The following TAFA1 variants were observed in gnomAD, a reference collection of about 807,000 sequenced individuals.
The protein encoded by TAFA1 is chemokine-like protein TAFA-1.
In TAFA1, 4 loss-of-function variants were observed where a neutral mutation model predicts 18.5. The ratio of observed to expected loss-of-function variants is 0.22; its 90% confidence interval spans 0.11 to 0.49. The LOEUF is 0.49. TAFA1 is among the 20% of genes least tolerant of loss of function. The pLI is 0.98. For synonymous variants in TAFA1, 56 were observed against 55.2 expected (o/e 1.01, Z -0.06); for missense variants, 147 against 169.0 (o/e 0.87, Z 0.72).
intron 3 of TAFA1, among the ~76,000 whole-genome samples, chr3:68,514,829 A>T (rs1439130767): frequency 6.6e-6 from 1 of 152,150 alleles, no homozygotes. Context: ...GTGGCCAAAG[A>T]GATTGTTCCA....
At chr3:68,088,586 C>T (rs73834822) in intron 2 of TAFA1, among the ~76,000 whole-genome samples, 3,481 of 152,196 alleles carry the variant, frequency 0.023, 50 homozygotes, top group Middle Eastern at 0.037. Context: ...TGAACCTGTG[C>T]GTTTTTCATT....
chr3:68,486,998 C>A (rs7431742), intron 3 of TAFA1, among the ~76,000 whole-genome samples: 119,362 of 152,144 alleles, frequency 0.78, 47,162 homozygotes, highest in African/African-American at 0.89. Context: ...AAAATGAAAT[C>A]AAATACCAGA....
chr3:68,156,802 C>G (rs1291781062), intron 2 of TAFA1, among the ~76,000 whole-genome samples: 2 of 151,844 alleles, frequency 1.3e-5, no homozygotes, highest in African/African-American at 4.8e-5. Context: ...CTTGTACTAG[C>G]TTTAATTAAT....
At chr3:68,525,697 A>G (rs2073102442) in intron 3 of TAFA1, among the ~76,000 whole-genome samples, 3 of 152,228 alleles carry the variant, frequency 2.0e-5, no homozygotes, top group African/African-American at 4.8e-5. Flanking sequence ...ATTAGTTTCA[A>G]GAGTGCTCTA....
At chr3:68,335,105 T>C (rs146487715) in intron 2 of TAFA1, among the ~76,000 whole-genome samples, 87 of 152,326 alleles carry the variant, frequency 5.7e-4, no homozygotes, top group Middle Eastern at 3.4e-3. Flanking sequence ...TCATGAGAAA[T>C]GTGTTTGCAT....
rs150634509 is a variant in TAFA1 at position 68,217,699 on chromosome 3, A to G, written c.119-199581A>G. Among the ~76,000 whole-genome samples, 85 of 152,186 alleles carry G rather than the reference A, an allele frequency of 5.6e-4. 1 individual carries two copies. The East Asian group carries it at 0.012, about 21-fold the overall frequency. Reference sequence around the variant, plus strand: ...ACTCTGTACTCTTCATAATTTTTCTATAAATCTAATACTGCTCTAAAATAT... The same window carrying G: ...ACTCTGTACTCTTCATAATTTTTCTGTAAATCTAATACTGCTCTAAAATAT... On this transcript the variant is annotated intron_variant, in intron 2 of 4. Transcript: ENST00000478136.
In TAFA1 at chr3:68,208,789, A is replaced by G. The variant is rs190050175; in HGVS notation, c.118+202045A>G. ...CTGTGCAGAATTTCCTCCAAGTTGT[A>G]TGCTTGGGTGGTAGGCATGGATCTA... On this transcript the variant is annotated intron_variant, in intron 2 of 4. Transcript: ENST00000478136. Among the ~76,000 whole-genome samples, 129 of 152,060 alleles carry G rather than the reference A, an allele frequency of 8.5e-4. 1 individual carries two copies. The highest frequency in any genetic ancestry group is 2.9e-3 in the African/African-American group (122 of 41,534).
intron 3 of TAFA1, among the ~76,000 whole-genome samples, chr3:68,523,708 G>A (rs1441413658): frequency 6.6e-6 from 1 of 152,092 alleles, no homozygotes; most frequent in Non-Finnish European, 1.5e-5. Context: ...TGCTATTTAA[G>A]TGTATTATGG....
chr3:68,417,229 T>C lies in TAFA1; in HGVS notation c.119-51T>C, dbSNP rs1027847611. Reference sequence around the variant, plus strand: ...CTACATGCACTCCCAGGGGCTCGAATAGTCACTGAGTTATTTCTAATCAGT... The same window carrying C: ...CTACATGCACTCCCAGGGGCTCGAACAGTCACTGAGTTATTTCTAATCAGT... On this transcript the variant is annotated intron_variant, in intron 2 of 4. Transcript: ENST00000478136. 7.1e-6 allele frequency: 11 copies of C among 1,554,024 alleles called. 1 individual carries two copies. The highest frequency in any genetic ancestry group is 5.4e-5 in the African/African-American group (4 of 73,580).
intron 2 of TAFA1, among the ~76,000 whole-genome samples, chr3:68,397,837 T>C (rs1004652130): frequency 6.6e-6 from 1 of 152,050 alleles, no homozygotes; most frequent in Non-Finnish European, 1.5e-5. Context: ...TGTTTCCTGA[T>C]GATAATTTAT....
chr3:68,481,090 C>T (rs1276445208), intron 3 of TAFA1, among the ~76,000 whole-genome samples: 1 of 152,302 alleles, frequency 6.6e-6, no homozygotes, highest in East Asian at 1.9e-4. Flanking sequence ...ATAAATTACT[C>T]AGACTCAGGT....
At chr3:68,364,410 T>G (rs2106800381) in intron 2 of TAFA1, among the ~76,000 whole-genome samples, 1 of 152,218 alleles carries the variant, frequency 6.6e-6, no homozygotes, top group South Asian at 2.1e-4. Flanking sequence ...TGTGTTTGAT[T>G]CAGGAGGCAC....
At chr3:68,354,178 A>T (rs2069321953) in intron 2 of TAFA1, among the ~76,000 whole-genome samples, 1 of 151,698 alleles carries the variant, frequency 6.6e-6, no homozygotes, top group African/African-American at 2.4e-5. Context: ...CTATCCCAAG[A>T]TTTAATGTAG....
chr3:68,402,781 C>A (rs866051438), intron 2 of TAFA1, among the ~76,000 whole-genome samples: 14 of 152,272 alleles, frequency 9.2e-5, no homozygotes, highest in South Asian at 4.1e-4. Context: ...GCAGAAGTAC[C>A]TCGTTCTAGT....
At chr3:68,347,380 T>C (rs964585176) in intron 2 of TAFA1, among the ~76,000 whole-genome samples, 2 of 152,210 alleles carry the variant, frequency 1.3e-5, no homozygotes, top group African/African-American at 4.8e-5. Flanking sequence ...AATTCTGTTA[T>C]TGTTTGCAGG....
At chr3:68,368,297 G>C (rs1313645961) in intron 2 of TAFA1, among the ~76,000 whole-genome samples, 5 of 152,074 alleles carry the variant, frequency 3.3e-5, no homozygotes, top group African/African-American at 1.2e-4. Context: ...TGTTTTCTCT[G>C]GTTAGTTTTT....
At chr3:68,266,449 T>C (rs1167254139) in intron 2 of TAFA1, among the ~76,000 whole-genome samples, 1 of 152,196 alleles carries the variant, frequency 6.6e-6, no homozygotes, top group Non-Finnish European at 1.5e-5. Flanking sequence ...ACCCCTTCAC[T>C]ACCATCCCGC....
intron 2 of TAFA1, among the ~76,000 whole-genome samples, chr3:68,126,315 A>T (rs148575928): frequency 1.3e-5 from 2 of 152,300 alleles, no homozygotes; most frequent in African/African-American, 4.8e-5. Flanking sequence ...ATTAATAAAC[A>T]TGCTTCCTGG....
chr3:68,404,022 A>G (rs1291262526), intron 2 of TAFA1, among the ~76,000 whole-genome samples: 1 of 152,110 alleles, frequency 6.6e-6, no homozygotes. Context: ...GAGCAAACAC[A>G]TTGCTCCTGT....
Sources: allele counts gnomAD v4.1 joint callset (sites outside exome capture counted in the v4.1 genomes callset), GRCh38; gene constraint gnomAD v4.1.1; transcripts MANE v1.5; gene names NCBI Gene and HGNC (gene_info 2026-07-23, HGNC 2026-07-21).